Variants in ZHX2 observed in about 807,000 individuals in gnomAD.
The protein encoded by ZHX2 is zinc fingers and homeoboxes protein 2.
Under a neutral mutation model 21.9 loss-of-function variants are expected in ZHX2, and 6 were observed. The ratio of observed to expected loss-of-function variants is 0.27; its 90% CI spans 0.15 to 0.54. The LOEUF is 0.54. ZHX2 is among the 20% of genes least tolerant of loss of function. ZHX2 has a pLI of 0.95. For missense variants in ZHX2, 908 were observed against 1,090.7 expected (o/e 0.83, Z 2.36); for synonymous variants, 434 against 437.1 (o/e 0.99, Z 0.09).
Position 122,952,798 on chromosome 8 carries a change from C to T in ZHX2, c.1288C>T (p.Pro430Ser), listed in dbSNP as rs1229449329. The stretch of plus-strand genomic sequence containing the variant: ...ACACATCGCTCAGGTGCCAGAGCCC[C>T]CACCCAAGGTGGCCAACCCCCCGCT... ...RPHIAQVPEP[P>S]PKVANPPLTP... The change falls in exon 3 of 4, where the codon CCA becomes TCA. Residue 430 changes from proline (P) to serine (S), a missense_variant. Pro to Ser is a moderately conservative substitution (Grantham distance 74, BLOSUM62 -1). Coordinates refer to ENST00000314393, the MANE Select transcript of ZHX2 (RefSeq NM_014943.5). This position sits in a 1 kb window ranked among gnomAD's most constrained non-coding sequence, Gnocchi z 6.9. 1 of 1,614,096 alleles carries T rather than the reference C, an allele frequency of 6.2e-7. No individual in the cohort carries two copies. The highest frequency in any genetic ancestry group is 8.5e-7 in the Non-Finnish European group (1 of 1,180,030).
At chr8:122,906,268 G>A (rs1215148090) in intron 2 of ZHX2, among the ~76,000 whole-genome samples, 2 of 152,192 alleles carry the variant, frequency 1.3e-5, no homozygotes, top group African/African-American at 4.8e-5. Context: ...AAAAGTAATA[G>A]CTGATGTTTA....
intron 2 of ZHX2, among the ~76,000 whole-genome samples, chr8:122,889,015 T>G (rs1373957964): frequency 6.6e-6 from 1 of 152,248 alleles, no homozygotes; most frequent in Non-Finnish European, 1.5e-5. Flanking sequence ...GTGTCTGACT[T>G]ATTTCACTTA....
At chr8:122,882,372 C>G (rs1295681055) in intron 2 of ZHX2, among the ~76,000 whole-genome samples, 1 of 151,740 alleles carries the variant, frequency 6.6e-6, no homozygotes, top group East Asian at 1.9e-4. Context: ...AGTAGATAAG[C>G]TTTGCCCTTC....
chr8:122,865,782 G>A (rs1055416870), intron 2 of ZHX2, among the ~76,000 whole-genome samples: 1 of 152,232 alleles, frequency 6.6e-6, no homozygotes, highest in Non-Finnish European at 1.5e-5. Flanking sequence ...ATGAACCCAG[G>A]TTAAGGCCCA....
intron 2 of ZHX2, among the ~76,000 whole-genome samples, chr8:122,928,530 T>G (rs750761293): frequency 5.3e-5 from 8 of 152,054 alleles, no homozygotes; most frequent in Non-Finnish European, 8.8e-5. Context: ...GGATTATTAC[T>G]GAAAGAAGAG....
At chr8:122,893,547 G>A (rs771685676) in intron 2 of ZHX2, among the ~76,000 whole-genome samples, 66 of 151,944 alleles carry the variant, frequency 4.3e-4, no homozygotes, top group Non-Finnish European at 7.8e-4. Context: ...GTTTGACTGG[G>A]TTATTTCAAA....
At chr8:122,881,406 T>C (rs1028575730) in intron 2 of ZHX2, among the ~76,000 whole-genome samples, 5 of 152,242 alleles carry the variant, frequency 3.3e-5, no homozygotes, top group African/African-American at 7.2e-5. Context: ...GGCCAAGTTA[T>C]TGACTTCTCT....
At chr8:122,961,238 T>C (rs1483165063) in intron 3 of ZHX2, among the ~76,000 whole-genome samples, 1 of 152,232 alleles carries the variant, frequency 6.6e-6, no homozygotes, top group Non-Finnish European at 1.5e-5. Flanking sequence ...TGTGTTCACA[T>C]GGCTGGTGTC....
intron 2 of ZHX2, among the ~76,000 whole-genome samples, chr8:122,910,627 G>A (rs192484759): frequency 6.6e-4 from 101 of 152,240 alleles, no homozygotes; most frequent in African/African-American, 2.4e-3. Context: ...GTACTTTAAT[G>A]TCATACTCCC....
At chr8:122,955,069 CG>C (rs35647179) in intron 3 of ZHX2, among the ~76,000 whole-genome samples, 2,349 of 20,584 alleles carry the variant, frequency 0.11, 62 homozygotes, top group African/African-American at 0.21. Flanking sequence ...TCACATAAGC[CG>C]GGGGGGGGGG....
intron 2 of ZHX2, among the ~76,000 whole-genome samples, chr8:122,940,398 A>G (rs1042294573): frequency 2.6e-5 from 4 of 152,212 alleles, no homozygotes; most frequent in African/African-American, 9.6e-5. Flanking sequence ...CTTCTCAGGC[A>G]TCAGTGGCTT....
rs112965511 is a variant in ZHX2, at chr8:122,879,131, A to G, written c.-220+15592A>G. ...TGCCTCTCGGCAGAATCTGTTACTC[A>G]AGGATTCCTGAAAGGCAGTCTGCCT... On this transcript the variant is annotated intron_variant, in intron 2 of 3. Transcript: ENST00000314393. Among the ~76,000 whole-genome samples, 797 of 152,292 alleles carry G rather than the reference A, an allele frequency of 5.2e-3. 6 individuals carry two copies. The highest frequency in any genetic ancestry group is 0.018 in the African/African-American group (759 of 41,566).
chr8:122,803,934 C>T (rs574050265), intron 1 of ZHX2, among the ~76,000 whole-genome samples: 58 of 152,220 alleles, frequency 3.8e-4, no homozygotes, highest in African/African-American at 1.4e-3. Context: ...GAGGAGAAGC[C>T]ATTAGATGGA....
At chr8:122,803,209 A>C (rs985704191) in intron 1 of ZHX2, among the ~76,000 whole-genome samples, 3 of 152,048 alleles carry the variant, frequency 2.0e-5, no homozygotes, top group Non-Finnish European at 2.9e-5. Flanking sequence ...CCCCTAAAAA[A>C]CAGCCCCCAC....
At chr8:122,810,865 A>G (rs1326381863) in intron 1 of ZHX2, among the ~76,000 whole-genome samples, 2 of 152,106 alleles carry the variant, frequency 1.3e-5, no homozygotes, top group Admixed American at 6.6e-5. Flanking sequence ...ATATGTATAC[A>G]TGTGCCATGC....
chr8:122,935,045 C>T (rs939100629), intron 2 of ZHX2, among the ~76,000 whole-genome samples: 8 of 152,158 alleles, frequency 5.3e-5, no homozygotes, highest in African/African-American at 1.7e-4. Flanking sequence ...TTCAAAAAGC[C>T]GTGTGCTATA....
chr8:122,803,154 G>A (rs1429252104), intron 1 of ZHX2, among the ~76,000 whole-genome samples: 1 of 152,156 alleles, frequency 6.6e-6, no homozygotes, highest in Non-Finnish European at 1.5e-5. Context: ...AGTGAAAGCA[G>A]CAAAGCAAAC....
intron 1 of ZHX2, among the ~76,000 whole-genome samples, chr8:122,819,789 C>T (rs928806864): frequency 6.6e-6 from 1 of 152,248 alleles, no homozygotes; most frequent in African/African-American, 2.4e-5. Flanking sequence ...GCTTGGCTTC[C>T]AGAAGGCAGT....
intron 1 of ZHX2, among the ~76,000 whole-genome samples, chr8:122,793,013 T>G (rs745448344): frequency 3.3e-5 from 5 of 152,168 alleles, no homozygotes; most frequent in Non-Finnish European, 5.9e-5. Flanking sequence ...CTGGAGGTAC[T>G]CAGTGTGGCT....
Sources: allele counts gnomAD v4.1 joint callset (sites outside exome capture counted in the v4.1 genomes callset), GRCh38; gene constraint gnomAD v4.1.1; non-coding constraint Gnocchi (gnomAD v3.1); transcripts MANE v1.5; gene names NCBI Gene and HGNC (gene_info 2026-07-23, HGNC 2026-07-21).